Variants in GAS6 observed in about 807,000 individuals in gnomAD.
GAS6 encodes growth arrest-specific protein 6.
In GAS6, 41 loss-of-function variants were observed where a neutral mutation model predicts 75.8. The ratio of observed to expected loss-of-function variants is 0.54; its 90% CI spans 0.42 to 0.70. The LOEUF is 0.70. Ranked by LOEUF, GAS6 falls within the 30% of genes least tolerant of loss-of-function variation. The pLI, the probability that GAS6 is intolerant of heterozygous loss-of-function variation, is 0.00. For synonymous variants in GAS6, 432 were observed against 412.6 expected (o/e 1.05, Z -0.57); for missense variants, 854 against 940.2 (o/e 0.91, Z 1.20).
At chr13:113,834,694 C>A in intron 7 of GAS6, 22 bp from the exon 8 acceptor site, 1 of 1,519,990 alleles carries the variant, frequency 6.6e-7, no homozygotes, top group Non-Finnish European at 8.8e-7. Flanking sequence ...AGGGAAGCGG[C>A]GGTGAGCCGG....
Position 113,820,664 on chromosome 13 carries a change from C to G in GAS6, c.*200G>C. The stretch of plus-strand genomic sequence containing the variant: ...CGAGCCCGCTCTGCGCTGCGCCGGC[C>G]TCCCCGCGCCCGGGCCCACGGCTGA... On this transcript the variant is annotated 3_prime_UTR_variant, in exon 15 of 15. Transcript: ENST00000327773. 1 of 599,866 alleles carries G rather than the reference C, an allele frequency of 1.7e-6. No individual in the cohort carries two copies. Among genetic ancestry groups the G allele is most frequent in the East Asian group, 2.8e-5 (1 of 36,106 alleles). 37.2% of individuals were successfully genotyped at this position (599,866 alleles called of 1,614,324 possible). A position where few individuals can be genotyped will look rare whatever the true frequency, so the allele number is the denominator to read the frequency against.
rs763662053 is a variant in GAS6 at position 113,820,693 on chromosome 13, C to T, written c.*171G>A. 38 of 766,528 alleles carry T rather than the reference C, an allele frequency of 5.0e-5. No homozygotes were observed. The highest frequency in any genetic ancestry group is 6.5e-5 in the Non-Finnish European group (32 of 493,312). 47.5% of individuals were successfully genotyped at this position (766,528 alleles called of 1,614,324 possible). On this transcript the variant is annotated 3_prime_UTR_variant, in exon 15 of 15. Coordinates refer to ENST00000327773, the MANE Select transcript of GAS6 (RefSeq NM_000820.4). The stretch of plus-strand genomic sequence containing the variant: ...CCGCGCCCGGGCCCACGGCTGAGTG[C>T]GCGGCGTCAGAGGCCCCAAGTCCAT...
Position 113,846,522 on chromosome 13 carries a change from C to A in GAS6, c.343+5G>T. 1 of 1,613,990 alleles carries A rather than the reference C, an allele frequency of 6.2e-7. No individual in the cohort carries two copies. Among genetic ancestry groups the A allele is most frequent in the Non-Finnish European group, 8.5e-7 (1 of 1,179,930 alleles). On this transcript the variant is annotated splice_donor_5th_base_variant and intron_variant, in intron 4 of 14. Transcript: ENST00000327773. Reference sequence around the variant, plus strand: ...CCCAGGAAGGCGCAAAGGAGGCCGACTTACTTTGCACGCAGGTGGCGAAGC... The same window carrying A: ...CCCAGGAAGGCGCAAAGGAGGCCGAATTACTTTGCACGCAGGTGGCGAAGC...
At chr13:113,839,886 C>T (rs1030669752) in intron 4 of GAS6, 36 bp from the exon 5 acceptor site, 28 of 1,612,782 alleles carry the variant, frequency 1.7e-5, no homozygotes, top group Non-Finnish European at 2.4e-5. Flanking sequence ...TCATGTTCAG[C>T]TGCCCCACCC....
In GAS6 at chr13:113,838,091, G is replaced by A; in HGVS notation, c.567C>T (p.Ser189=). 6.2e-7 allele frequency: 1 copy of A among 1,612,858 alleles called. No homozygotes were observed. Among genetic ancestry groups the A allele is most frequent in the East Asian group, 2.2e-5 (1 of 44,878 alleles). The change falls in exon 6 of 15, where the codon TCC becomes TCT. Residue 189 remains serine, a synonymous_variant. Transcript: ENST00000327773. ...HCSCHSGFEL[S]SDGRTCQDID... ...TACCTTGGCAGGTCCTGCCATCAGA[G>A]GAGAGCTCGAAGCCGCTGTGGCAGG...
At chr13:113,824,065 G>C (rs113122520) in intron 12 of GAS6, among the ~76,000 whole-genome samples, 2,729 of 107,400 alleles carry the variant, frequency 0.025, 51 homozygotes, top group African/African-American at 0.11. Flanking sequence ...TCAGGAGCAC[G>C]CGCGGTCTGG....
rs926637583 is a variant in GAS6 at position 113,837,761 on chromosome 13, G to A, written c.589+308C>T. 3.3e-5 allele frequency among the ~76,000 whole-genome samples: 5 copies of A among 152,162 alleles called. No homozygotes were observed. The highest frequency in any genetic ancestry group is 7.4e-5 in the Non-Finnish European group (5 of 68,018). ...CCACAAGCTCACTACACAAGTGCCTGGAGCACTTCCAGGCTCTGTGAGGCT... is the reference window on the plus strand; with the variant it reads ...CCACAAGCTCACTACACAAGTGCCTAGAGCACTTCCAGGCTCTGTGAGGCT... On this transcript the variant is annotated intron_variant, in intron 6 of 14. Coordinates refer to ENST00000327773, the MANE Select transcript of GAS6 (RefSeq NM_000820.4). This position sits in a 1 kb window ranked among gnomAD's most constrained non-coding sequence, Gnocchi z 5.1.
At chr13:113,849,597 A>C (rs1479763177) in intron 2 of GAS6, among the ~76,000 whole-genome samples, 1 of 152,238 alleles carries the variant, frequency 6.6e-6, no homozygotes, top group Non-Finnish European at 1.5e-5. Flanking sequence ...CTAACTATAC[A>C]CAAATGCTTG....
intron 12 of GAS6, among the ~76,000 whole-genome samples, chr13:113,825,789 T>C (rs1399893833): frequency 4.0e-5 from 6 of 151,628 alleles, no homozygotes; most frequent in Non-Finnish European, 8.8e-5. Context: ...TCAGATGCCT[T>C]TCCTGACACG....
chr13:113,824,145 A>G (rs1594187856), intron 12 of GAS6, among the ~76,000 whole-genome samples: 1 of 109,424 alleles, frequency 9.1e-6, no homozygotes, highest in Admixed American at 1.1e-4. Context: ...CTGGGGTCTG[A>G]GCTGTCGGGA....
chr13:113,849,326 C>A (rs2051856813), intron 2 of GAS6, among the ~76,000 whole-genome samples: 1 of 152,188 alleles, frequency 6.6e-6, no homozygotes, highest in Non-Finnish European at 1.5e-5. Flanking sequence ...TCATTTCTCT[C>A]ACTTCCAATT....
intron 4 of GAS6, chr13:113,843,192 T>C: frequency 4.3e-6 from 1 of 235,274 alleles, no homozygotes; most frequent in Non-Finnish European, 8.1e-6. Context: ...CCCACCTCCC[T>C]GATCCCCATC....
intron 14 of GAS6, chr13:113,821,238 CCCTT>C (rs1261641549): frequency 3.4e-6 from 2 of 587,404 alleles, no homozygotes; most frequent in Non-Finnish European, 6.1e-6. Context: ...CGCCAGCCCT[CCCTT>C]CCCCGCTGGG....
intron 2 of GAS6, among the ~76,000 whole-genome samples, chr13:113,859,301 T>C (rs1205449739): frequency 6.6e-6 from 1 of 151,728 alleles, no homozygotes; most frequent in Non-Finnish European, 1.5e-5. Flanking sequence ...TGCATGTATG[T>C]GTACATGTCT....
In GAS6 at chr13:113,827,041, A is replaced by C. The variant is rs199698744; in HGVS notation, c.1432T>G (p.Ser478Ala). ...MQCFSVTERG[S>A]FYPGSGFAFY... ...GCGAAGCCGCTCCCGGGGTAGAAAG[A>C]GCCTCTCTCCGTCACCGAGAAGCAC... The change falls in exon 12 of 15, where the codon TCT becomes GCT. Residue 478 changes from serine to alanine, a missense_variant. By Grantham distance (99) the Ser-to-Ala change is moderately conservative. Coordinates refer to ENST00000327773, the MANE Select transcript of GAS6 (RefSeq NM_000820.4). The C allele has an allele frequency of 5.0e-5, 80 of 1,613,436 alleles. No individual in the cohort carries two copies. The East Asian group carries it at 1.8e-3, about 36-fold the overall frequency.
At chr13:113,853,353 G>T (rs1309293516) in intron 2 of GAS6, among the ~76,000 whole-genome samples, 1 of 152,206 alleles carries the variant, frequency 6.6e-6, no homozygotes, top group Non-Finnish European at 1.5e-5. Context: ...CCGACCTGAC[G>T]CTCACTCATC....
rs1031332459 is a variant in GAS6 at position 113,832,753 on chromosome 13, C to A, written c.835-1G>T. On this transcript the variant is annotated splice_acceptor_variant, in intron 8 of 14. Coordinates refer to ENST00000327773, the MANE Select transcript of GAS6 (RefSeq NM_000820.4). LOFTEE classifies it high-confidence loss of function. ...TGAAGGGCACGCACGGCAAGATGTC[C>A]TGCCACGGACGGGGGCCACGCCGGT... 1.2e-6 allele frequency: 2 copies of A among 1,612,512 alleles called. No individual in the cohort carries two copies. The highest frequency in any genetic ancestry group is 1.7e-6 in the Non-Finnish European group (2 of 1,179,922).
intron 4 of GAS6, 22 bp downstream of exon 4, chr13:113,846,505 G>A: frequency 6.2e-7 from 1 of 1,611,922 alleles, no homozygotes; most frequent in Non-Finnish European, 8.5e-7. Context: ...CTCCCAGGAA[G>A]GCGCAAAGGA....
In GAS6 at chr13:113,822,062, G is replaced by T; in HGVS notation, c.1778C>A (p.Thr593Asn). Residue 593 changes from threonine to asparagine, a missense_variant, in exon 14 of 15, where the codon ACC (threonine) becomes AAC (asparagine). Coordinates refer to ENST00000327773, the MANE Select transcript of GAS6 (RefSeq NM_000820.4). ...GGCGCTCACCTCGCTCTGGCCCCTG[G>T]TGCCGTCCACCTCCAGGGTGGCCTC... ...DGEATLEVDG[T>N]RGQSEVSAAQ... 1 of 1,588,896 alleles carries T rather than the reference G, an allele frequency of 6.3e-7. No homozygotes were observed. Among genetic ancestry groups the T allele is most frequent in the Non-Finnish European group, 8.5e-7 (1 of 1,169,680 alleles).
Sources: gnomAD v4.1 joint callset for allele counts (sites outside exome capture counted in the v4.1 genomes callset) on GRCh38, gnomAD v4.1.1 for gene constraint, Gnocchi (gnomAD v3.1) non-coding constraint, MANE v1.5 for transcripts, NCBI Gene and HGNC (gene_info 2026-07-23, HGNC 2026-07-21) for gene names.